DOP1B: variants seen among roughly 807,000 people sequenced by gnomAD.
The protein encoded by DOP1B is protein DOP1B.
A neutral mutation model predicts 233.5 loss-of-function variants in DOP1B; 174 were observed. The observed-to-expected ratio is 0.75, with a 90% CI of 0.66 to 0.85. The LOEUF (loss-of-function observed/expected upper bound fraction) is 0.85, where lower values mean the gene tolerates loss of function less well. DOP1B is among the 40% of genes least tolerant of loss of function. The pLI is 0.00. For missense variants in DOP1B, 2,652 were observed against 2,846.6 expected (o/e 0.93, Z 1.56); for synonymous variants, 1,190 against 1,185.6 (o/e 1.00, Z -0.08).
At chr21:36,223,945 A>G (rs2066654032) in intron 11 of DOP1B, among the ~76,000 whole-genome samples, 1 of 152,028 alleles carries the variant, frequency 6.6e-6, no homozygotes, top group Non-Finnish European at 1.5e-5. Context: ...GTCCTGAGGC[A>G]TGCTGTAAAA....
chr21:36,225,673 T>G lies in DOP1B; in HGVS notation c.1473+6T>G, dbSNP rs765839013. 1 of 1,614,008 alleles carries G rather than the reference T, an allele frequency of 6.2e-7. No individual in the cohort carries two copies. The highest frequency in any genetic ancestry group is 1.1e-5 in the South Asian group (1 of 91,070). Reference sequence around the variant, plus strand: ...TGCTGGATGTCATTCCTTTGGTGAGTGCTGGGGAAGGGACATCTCAACGCC... The same window carrying G: ...TGCTGGATGTCATTCCTTTGGTGAGGGCTGGGGAAGGGACATCTCAACGCC... On this transcript the variant is annotated splice_donor_region_variant and intron_variant, in intron 12 of 36. Coordinates refer to ENST00000691173, the MANE Select transcript of DOP1B (RefSeq NM_001320714.2).
chr21:36,293,250 C>G (rs1267509575), intron 36 of DOP1B, 70 bp from the exon 37 acceptor site: 6 of 1,527,230 alleles, frequency 3.9e-6, no homozygotes, highest in Non-Finnish European at 4.4e-6. Context: ...TTGCCACATG[C>G]ATGTGCTTCC....
intron 2 of DOP1B, among the ~76,000 whole-genome samples, chr21:36,178,845 G>A (rs2066062425): frequency 6.6e-6 from 1 of 152,136 alleles, no homozygotes; most frequent in Non-Finnish European, 1.5e-5. Flanking sequence ...GCATTTAGAA[G>A]TGTATAATTT....
intron 20 of DOP1B, among the ~76,000 whole-genome samples, chr21:36,248,160 G>A (rs1279281197): frequency 6.6e-6 from 1 of 152,212 alleles, no homozygotes; most frequent in Non-Finnish European, 1.5e-5. Flanking sequence ...TGGTTGAAAA[G>A]TTTGTAATTT....
intron 18 of DOP1B, among the ~76,000 whole-genome samples, chr21:36,240,958 A>G (rs1423199839): frequency 6.6e-6 from 1 of 152,148 alleles, no homozygotes; most frequent in Non-Finnish European, 1.5e-5. Flanking sequence ...GACCTAGTCT[A>G]AGAAGTAAAA....
intron 2 of DOP1B, among the ~76,000 whole-genome samples, chr21:36,173,424 C>CTTT (rs11284211): frequency 1.4e-5 from 2 of 139,750 alleles, no homozygotes; most frequent in African/African-American, 2.7e-5. Flanking sequence ...AATAGTTTAT[C>CTTT]TTTTTTTTTT....
intron 26 of DOP1B, among the ~76,000 whole-genome samples, chr21:36,265,226 C>T (rs375231889): frequency 1.3e-5 from 2 of 152,170 alleles, no homozygotes; most frequent in African/African-American, 4.8e-5. Flanking sequence ...TGAAACCCCA[C>T]CTCTACTGAA....
chr21:36,247,430 G>T (rs2066979979), intron 19 of DOP1B, 87 bp from the exon 20 acceptor site: 1 of 814,498 alleles, frequency 1.2e-6, no homozygotes, highest in Admixed American at 3.0e-5. Context: ...TCTCTCCCTA[G>T]TTCCTGTGTT....
intron 2 of DOP1B, among the ~76,000 whole-genome samples, chr21:36,190,281 C>T (rs866419481): frequency 1.3e-4 from 19 of 150,704 alleles, no homozygotes; most frequent in African/African-American, 3.4e-4. Context: ...GCCGAGATTG[C>T]ACCACTGCAC....
intron 2 of DOP1B, among the ~76,000 whole-genome samples, chr21:36,180,868 A>G (rs1177061749): frequency 6.6e-6 from 1 of 151,356 alleles, no homozygotes; most frequent in Non-Finnish European, 1.5e-5. Context: ...GTTGTCAGAC[A>G]GAGTGAGACT....
chr21:36,274,676 T>C (rs1456348105), intron 27 of DOP1B, among the ~76,000 whole-genome samples: 1 of 151,784 alleles, frequency 6.6e-6, no homozygotes, highest in African/African-American at 2.4e-5. Flanking sequence ...CAATGTAGAA[T>C]TCATCGGGGT....
At chr21:36,169,851 G>A (rs2065955537) in intron 2 of DOP1B, 2 of 887,896 alleles carry the variant, frequency 2.3e-6, no homozygotes, top group Admixed American at 3.4e-5. Flanking sequence ...ACTCATCGTT[G>A]ATGTGCTCAG....
chr21:36,261,719 C>A, intron 24 of DOP1B: 1 of 892,698 alleles, frequency 1.1e-6, no homozygotes, highest in Non-Finnish European at 1.3e-6. Flanking sequence ...ACCAGCCTGG[C>A]CAACGTGGTA....
At chr21:36,247,391 C>T (rs572788680) in intron 19 of DOP1B, 126 bp from the exon 20 acceptor site, 158 of 497,390 alleles carry the variant, frequency 3.2e-4, no homozygotes, top group African/African-American at 2.6e-3. Context: ...TATTCTATGA[C>T]GAGAGCTCCA....
At chr21:36,176,007 C>T (rs1239250116) in intron 2 of DOP1B, among the ~76,000 whole-genome samples, 2 of 151,836 alleles carry the variant, frequency 1.3e-5, no homozygotes, top group Non-Finnish European at 2.9e-5. Flanking sequence ...TTATCACACA[C>T]CTTGTGGAGG....
rs757336837 is a variant in DOP1B, at chr21:36,231,000, T to TG, written c.2222dup (p.Ser742PhefsTer46). The TG allele has an allele frequency of 7.3e-5, 118 of 1,614,016 alleles. No homozygotes were observed. The highest frequency in any genetic ancestry group is 1.6e-5 in the Non-Finnish European group (19 of 1,180,036). On this transcript the variant is annotated frameshift_variant, in exon 14 of 37. Transcript: ENST00000691173. LOFTEE classifies it high-confidence loss of function. ...GATGTTGAGAAGGTGGTCATTGACCTGGGGGGTTCCAGGGAGGAACGCAGG... is the reference window on the plus strand; with the variant it reads ...GATGTTGAGAAGGTGGTCATTGACCTGGGGGGGTTCCAGGGAGGAACGCAGG...
At chr21:36,202,923 CTG>C (rs1420856280) in intron 4 of DOP1B, among the ~76,000 whole-genome samples, 3 of 152,172 alleles carry the variant, frequency 2.0e-5, no homozygotes, top group Non-Finnish European at 4.4e-5. Flanking sequence ...AGAAGTTCTG[CTG>C]TGTTTGTGTT....
At chr21:36,197,748 G>A (rs149622647) in intron 2 of DOP1B, among the ~76,000 whole-genome samples, 35 of 152,306 alleles carry the variant, frequency 2.3e-4, no homozygotes, top group African/African-American at 6.7e-4. Context: ...AGTGGCTCAC[G>A]GCTGTAATCC....
chr21:36,157,337 T>C (rs2065829052), intron 1 of DOP1B, among the ~76,000 whole-genome samples: 1 of 152,102 alleles, frequency 6.6e-6, no homozygotes, highest in South Asian at 2.1e-4. Context: ...ACGCTCAGCC[T>C]TTGTTTGCTG....
Sources: gnomAD v4.1 joint callset for allele counts (sites outside exome capture counted in the v4.1 genomes callset) on GRCh38, gnomAD v4.1.1 for gene constraint, MANE v1.5 for transcripts, NCBI Gene and HGNC (gene_info 2026-07-23, HGNC 2026-07-21) for gene names.